The following CMIP variants were observed in gnomAD, a reference collection of about 807,000 sequenced individuals.
CMIP encodes C-Maf-inducing protein.
CMIP carries 13 observed loss-of-function variants against 97.3 expected under a neutral mutation model. The ratio of observed to expected loss-of-function variants is 0.13; its 90% CI spans 0.09 to 0.21. CMIP has a LOEUF of 0.21. Among genes scored for constraint, CMIP ranks in the 10% least tolerant of loss-of-function variants. The probability of loss-of-function intolerance (pLI) is 1.00; values close to 1 mark genes in which losing one functional copy is unlikely to be tolerated. For synonymous variants in CMIP, 538 were observed against 436.3 expected, an observed-to-expected ratio of 1.23 and a Z score of -2.91; for missense variants, 847 against 1,024.9, an observed-to-expected ratio of 0.83 and a Z score of 2.37.
At chr16:81,628,406 A>G (rs920872213) in intron 3 of CMIP, among the ~76,000 whole-genome samples, 2 of 152,244 alleles carry the variant, frequency 1.3e-5, no homozygotes, top group African/African-American at 4.8e-5. Flanking sequence ...TCCTCGAGCC[A>G]TGATGGACAC....
At chr16:81,626,218 C>CGTGAGAATGTGT (rs11276285) in intron 3 of CMIP, among the ~76,000 whole-genome samples, 27 of 151,338 alleles carry the variant, frequency 1.8e-4, no homozygotes, top group Middle Eastern at 3.5e-3. Context: ...TGTGTGTGCG[C>CGTGAGAATGTGT]GTGAGAATGT....
At chr16:81,640,692 C>G (rs2092294166) in intron 3 of CMIP, among the ~76,000 whole-genome samples, 1 of 150,998 alleles carries the variant, frequency 6.6e-6, no homozygotes, top group Non-Finnish European at 1.5e-5. Context: ...CTTGATGCGC[C>G]TTGGCATCCA....
intron 1 of CMIP, chr16:81,495,315 G>C: frequency 1.4e-6 from 2 of 1,450,994 alleles, no homozygotes; most frequent in Non-Finnish European, 1.8e-6. Context: ...TGGGCAGGCT[G>C]GTTCAGTGAT....
intron 1 of CMIP, among the ~76,000 whole-genome samples, chr16:81,449,364 A>T (rs1433830903): frequency 2.6e-5 from 4 of 152,182 alleles, no homozygotes; most frequent in African/African-American, 9.7e-5. Context: ...AGCCACCTTC[A>T]TTCTCATTGG....
intron 1 of CMIP, among the ~76,000 whole-genome samples, chr16:81,581,293 C>T (rs1196038942): frequency 6.6e-6 from 1 of 152,082 alleles, no homozygotes; most frequent in African/African-American, 2.4e-5. Flanking sequence ...TTCCGGGAAG[C>T]GCGTAGTTAG....
At chr16:81,509,963 C>G (rs2089779950) in intron 1 of CMIP, among the ~76,000 whole-genome samples, 1 of 152,152 alleles carries the variant, frequency 6.6e-6, no homozygotes, top group Admixed American at 6.5e-5. Flanking sequence ...GAAGTCCTGC[C>G]CCAAAGGAAG....
intron 2 of CMIP, chr16:81,617,540 A>T (rs909981868): frequency 2.0e-5 from 3 of 152,370 alleles, no homozygotes; most frequent in Non-Finnish European, 4.4e-5. Context: ...CCCAGATGGG[A>T]AGGGCTGGGC....
intron 1 of CMIP, among the ~76,000 whole-genome samples, chr16:81,600,096 T>A (rs954936817): frequency 6.6e-6 from 1 of 151,868 alleles, no homozygotes; most frequent in Admixed American, 6.6e-5. Flanking sequence ...CTGACCAACA[T>A]GGTGAAACCC....
intron 20 of CMIP, among the ~76,000 whole-genome samples, chr16:81,707,731 G>T (rs1485876596): frequency 6.6e-6 from 1 of 152,244 alleles, no homozygotes; most frequent in African/African-American, 2.4e-5. Context: ...TGGGAAGGTT[G>T]GAGGAGCCAG....
chr16:81,495,641 G>T, intron 1 of CMIP: 1 of 770,838 alleles, frequency 1.3e-6, no homozygotes, highest in Non-Finnish European at 2.1e-6. Context: ...AGAGACCCCA[G>T]GCCCCTTCTC....
At chr16:81,508,779 T>C (rs1232782903) in intron 1 of CMIP, among the ~76,000 whole-genome samples, 1 of 152,222 alleles carries the variant, frequency 6.6e-6, no homozygotes, top group East Asian at 1.9e-4. Flanking sequence ...TGCAGAATGA[T>C]CTGATCATGC....
Position 81,652,173 on chromosome 16 carries a change from T to G in CMIP, c.478-30T>G. 1 of 1,579,258 alleles carries G rather than the reference T, an allele frequency of 6.3e-7. No homozygotes were observed. The highest frequency in any genetic ancestry group is 8.7e-7 in the Non-Finnish European group (1 of 1,149,304). Reference sequence around the variant, plus strand: ...TTCTGCCTTCCTTACGTGAGTAACATGTTGCTGTCTCTTTATCTCTTTCAA... The same window carrying G: ...TTCTGCCTTCCTTACGTGAGTAACAGGTTGCTGTCTCTTTATCTCTTTCAA... On this transcript the variant is annotated intron_variant, in intron 3 of 20. Coordinates refer to ENST00000537098, the MANE Select transcript of CMIP (RefSeq NM_198390.3). The surrounding 1 kb of genome is among the most constrained non-coding windows in gnomAD (Gnocchi z 5.2).
At chr16:81,689,649 T>C (rs149720596) in intron 10 of CMIP, among the ~76,000 whole-genome samples, 1 of 152,242 alleles carries the variant, frequency 6.6e-6, no homozygotes, top group Non-Finnish European at 1.5e-5. Flanking sequence ...GCAGAAGCTC[T>C]TTAGTTTAAT....
At chr16:81,528,941 A>C in intron 1 of CMIP, among the ~76,000 whole-genome samples, 1 of 151,758 alleles carries the variant, frequency 6.6e-6, no homozygotes, top group South Asian at 2.1e-4. Context: ...CTACCAGTCC[A>C]TGCACCCACC....
At chr16:81,555,667 C>T (rs1424243291) in intron 1 of CMIP, among the ~76,000 whole-genome samples, 1 of 152,154 alleles carries the variant, frequency 6.6e-6, no homozygotes, top group Non-Finnish European at 1.5e-5. Context: ...GTGAAGTCAC[C>T]ATCTTCATGG....
intron 3 of CMIP, among the ~76,000 whole-genome samples, chr16:81,642,870 T>C (rs1275875264): frequency 6.6e-6 from 1 of 152,046 alleles, no homozygotes; most frequent in Admixed American, 6.6e-5. Context: ...CACTCCAGCC[T>C]GGGTAACAGA....
chr16:81,452,661 G>C (rs1906292956), intron 1 of CMIP, among the ~76,000 whole-genome samples: 1 of 152,048 alleles, frequency 6.6e-6, no homozygotes, highest in African/African-American at 2.4e-5. Flanking sequence ...TGAGGGAGGA[G>C]ATCATCTGTG....
At chr16:81,464,670 C>T (rs748113718) in intron 1 of CMIP, 1 of 152,276 alleles carries the variant, frequency 6.6e-6, no homozygotes, top group Non-Finnish European at 1.5e-5. Context: ...CCACTGTCTA[C>T]ACCCAGAACT....
chr16:81,515,561 A>C (rs1193586123), intron 1 of CMIP, among the ~76,000 whole-genome samples: 4 of 152,170 alleles, frequency 2.6e-5, no homozygotes, highest in Non-Finnish European at 5.9e-5. Context: ...TCGTCAGCCC[A>C]AGAGCATCGT....
Sources: gnomAD v4.1 joint callset for allele counts (sites outside exome capture counted in the v4.1 genomes callset) on GRCh38, gnomAD v4.1.1 for gene constraint, Gnocchi (gnomAD v3.1) non-coding constraint, MANE v1.5 for transcripts, NCBI Gene and HGNC (gene_info 2026-07-23, HGNC 2026-07-21) for gene names.